AMBRA1: variants seen among roughly 807,000 people sequenced by gnomAD.
AMBRA1 encodes autophagy and beclin 1 regulator 1, also known as activating molecule in BECN1-regulated autophagy protein 1.
A neutral mutation model predicts 125.4 loss-of-function variants in AMBRA1; 47 were observed. The ratio of observed to expected loss-of-function variants is 0.37; its 90% CI spans 0.30 to 0.48. The LOEUF is 0.48. AMBRA1 is among the 20% of genes least tolerant of loss of function. The pLI, the probability that AMBRA1 is intolerant of heterozygous loss-of-function variation, is 0.99. For synonymous variants in AMBRA1, 626 were observed against 655.5 expected, an observed-to-expected ratio of 0.95 and a Z score of 0.69; for missense variants, 1,331 against 1,693.4, an observed-to-expected ratio of 0.79 and a Z score of 3.76.
intron 11 of AMBRA1, among the ~76,000 whole-genome samples, chr11:46,448,087 G>A (rs1948398475): frequency 6.6e-6 from 1 of 152,200 alleles, no homozygotes; most frequent in Non-Finnish European, 1.5e-5. Context: ...CAAATAGTGT[G>A]CCAGGGCCAA....
chr11:46,481,740 C>T (rs1466255071), intron 11 of AMBRA1, among the ~76,000 whole-genome samples: 1 of 152,188 alleles, frequency 6.6e-6, no homozygotes, highest in Non-Finnish European at 1.5e-5. Context: ...AGATCACACC[C>T]CATGGTGGTT....
At position 46,435,030 on chromosome 11, in the gene AMBRA1, C is replaced by A. The variant is rs1317332733; in HGVS notation, c.2640G>T (p.Val880=). 1 of 1,605,666 alleles carries A rather than the reference C, an allele frequency of 6.2e-7. No homozygotes were observed. Among genetic ancestry groups the A allele is most frequent in the Admixed American group, 1.7e-5 (1 of 58,522 alleles). The part of the protein sequence containing the change: ...FDLPEISNAS[V]NVLVQNCKIY... ...TCTTGCAGTTCTGCACCAGCACATT[C>A]ACGGAAGCTGCATCAGACAAAGAAA... The change falls in exon 13 of 18, where the codon GTG becomes GTT. Residue 880 remains valine, a synonymous_variant. Coordinates refer to ENST00000683756, the MANE Select transcript of AMBRA1 (RefSeq NM_001387011.1).
chr11:46,540,225 C>T (rs757950310), intron 7 of AMBRA1, among the ~76,000 whole-genome samples: 12 of 152,224 alleles, frequency 7.9e-5, no homozygotes, highest in Non-Finnish European at 1.2e-4. Flanking sequence ...ACTACTAAAG[C>T]AGAATGGACA....
At chr11:46,425,307 CATTT>C (rs372466818) in intron 14 of AMBRA1, among the ~76,000 whole-genome samples, 5 of 111,628 alleles carry the variant, frequency 4.5e-5, no homozygotes, top group African/African-American at 1.4e-4. Context: ...TTGCTTGATC[CATTT>C]GTGTGTGTGT....
At chr11:46,566,176 T>C (rs1215532904) in intron 1 of AMBRA1, among the ~76,000 whole-genome samples, 1 of 152,156 alleles carries the variant, frequency 6.6e-6, no homozygotes, top group Non-Finnish European at 1.5e-5. Flanking sequence ...CCCAGCACTC[T>C]GGGAGGCTGA....
At chr11:46,519,233 A>C (rs1184976588) in intron 7 of AMBRA1, among the ~76,000 whole-genome samples, 2 of 152,158 alleles carry the variant, frequency 1.3e-5, no homozygotes, top group Non-Finnish European at 2.9e-5. Context: ...CATGTTGTCC[A>C]GGCTGGTCTT....
intron 11 of AMBRA1, among the ~76,000 whole-genome samples, chr11:46,474,430 C>T (rs944989791): frequency 2.0e-5 from 3 of 152,076 alleles, no homozygotes; most frequent in African/African-American, 7.2e-5. Context: ...GCTCTGTCGC[C>T]CAGGCTGGAG....
At chr11:46,581,796 TC>T (rs1379950812) in intron 1 of AMBRA1, among the ~76,000 whole-genome samples, 899 of 43,076 alleles carry the variant, frequency 0.021, 9 homozygotes, top group African/African-American at 0.098. Context: ...CAAAACTCCA[TC>T]AAAAAAAAAA....
At chr11:46,469,674 T>C (rs1244908422) in intron 11 of AMBRA1, among the ~76,000 whole-genome samples, 1 of 152,210 alleles carries the variant, frequency 6.6e-6, no homozygotes, top group East Asian at 1.9e-4. Context: ...TCTTTTTCTC[T>C]TTTTTTAGAG....
intron 11 of AMBRA1, among the ~76,000 whole-genome samples, chr11:46,462,255 C>T (rs1251876242): frequency 2.6e-5 from 4 of 152,296 alleles, no homozygotes; most frequent in South Asian, 4.1e-4. Context: ...AGACCAACTC[C>T]GTTGCTGGTC....
intron 17 of AMBRA1, among the ~76,000 whole-genome samples, chr11:46,400,479 T>TG (rs1565116826): frequency 4.7e-5 from 3 of 63,470 alleles, no homozygotes; most frequent in East Asian, 3.1e-4. Context: ...TATAGTTTTT[T>TG]TTTTTTTTTT....
chr11:46,521,240 T>A (rs952518489), intron 7 of AMBRA1, among the ~76,000 whole-genome samples: 2 of 152,248 alleles, frequency 1.3e-5, no homozygotes, highest in Non-Finnish European at 2.9e-5. Flanking sequence ...CTTCATCCCC[T>A]CTGGTCACTT....
intron 12 of AMBRA1, among the ~76,000 whole-genome samples, chr11:46,435,971 A>C (rs2136718327): frequency 6.6e-6 from 1 of 152,350 alleles, no homozygotes; most frequent in South Asian, 2.1e-4. Context: ...GCATAGAACA[A>C]GAGTGCCCAC....
intron 11 of AMBRA1, among the ~76,000 whole-genome samples, chr11:46,472,369 T>C (rs990623335): frequency 2.6e-5 from 4 of 152,236 alleles, no homozygotes; most frequent in East Asian, 1.9e-4. Flanking sequence ...GTAGTTCAGC[T>C]ACCGCAAATA....
chr11:46,577,488 C>T (rs927165506), intron 1 of AMBRA1, among the ~76,000 whole-genome samples: 1 of 152,046 alleles, frequency 6.6e-6, no homozygotes, highest in African/African-American at 2.4e-5. Flanking sequence ...AACTGCTTAA[C>T]TGGTAAGGGG....
intron 1 of AMBRA1, among the ~76,000 whole-genome samples, chr11:46,591,968 G>A (rs1444714146): frequency 2.3e-5 from 3 of 132,100 alleles, no homozygotes; most frequent in Non-Finnish European, 4.7e-5. Flanking sequence ...TTTTTGAGAC[G>A]GAGTTTCGCT....
chr11:46,565,268 C>T (rs1430050518), intron 1 of AMBRA1, among the ~76,000 whole-genome samples: 1 of 150,630 alleles, frequency 6.6e-6, no homozygotes, highest in African/African-American at 2.4e-5. Context: ...AAAAAAAAAA[C>T]GAAAAGGAAA....
At chr11:46,515,917 G>A (rs895516414) in intron 7 of AMBRA1, among the ~76,000 whole-genome samples, 15 of 152,210 alleles carry the variant, frequency 9.9e-5, no homozygotes, top group South Asian at 4.1e-4. Flanking sequence ...CTTCTGATCC[G>A]CCCGCTTTGG....
At chr11:46,583,524 T>C in intron 1 of AMBRA1, among the ~76,000 whole-genome samples, 1 of 143,312 alleles carries the variant, frequency 7.0e-6, no homozygotes. Flanking sequence ...ACTAAAGAGC[T>C]TCTGCACAGC....
Sources: gnomAD v4.1 joint callset for allele counts (sites outside exome capture counted in the v4.1 genomes callset) on GRCh38, gnomAD v4.1.1 for gene constraint, MANE v1.5 for transcripts, NCBI Gene and HGNC (gene_info 2026-07-23, HGNC 2026-07-21) for gene names.